Variants in TMEM225B observed in about 807,000 individuals in gnomAD.
The protein encoded by TMEM225B is transmembrane protein 225-like.
Under a neutral mutation model 16.9 loss-of-function variants are expected in TMEM225B, and 10 were observed. The observed-to-expected ratio is 0.59, with a 90% CI of 0.36 to 1.00. TMEM225B has a LOEUF of 1.00. TMEM225B is among the 50% of genes least tolerant of loss of function. TMEM225B has a pLI of 0.01. For synonymous variants in TMEM225B, 92 were observed against 109.8 expected, an observed-to-expected ratio of 0.84 and a Z score of 1.01; for missense variants, 217 against 267.0, an observed-to-expected ratio of 0.81 and a Z score of 1.30.
At chr7:99,608,064 G>C (rs1487819047) in intron 5 of TMEM225B, among the ~76,000 whole-genome samples, 1 of 152,206 alleles carries the variant, frequency 6.6e-6, no homozygotes, top group Non-Finnish European at 1.5e-5. Context: ...AGACCAGCCT[G>C]GCCAACATGG....
intron 3 of TMEM225B, among the ~76,000 whole-genome samples, chr7:99,606,428 C>T (rs1161697587): frequency 1.3e-5 from 2 of 152,106 alleles, no homozygotes; most frequent in Non-Finnish European, 2.9e-5. Context: ...GATTGCACCA[C>T]CACACTCCAG....
chr7:99,607,418 T>G (rs1364759460), intron 4 of TMEM225B, among the ~76,000 whole-genome samples: 3 of 152,140 alleles, frequency 2.0e-5, no homozygotes, highest in Non-Finnish European at 4.4e-5. Context: ...TCTGCTAAGG[T>G]GCAGAGGTGA....
intron 2 of TMEM225B, among the ~76,000 whole-genome samples, chr7:99,603,534 A>T (rs1453048327): frequency 2.0e-5 from 3 of 152,082 alleles, no homozygotes; most frequent in African/African-American, 7.2e-5. Flanking sequence ...TCTACTAAAA[A>T]TACAAAAATT....
intron 5 of TMEM225B, among the ~76,000 whole-genome samples, chr7:99,608,984 T>C (rs945666730): frequency 6.6e-6 from 1 of 151,620 alleles, no homozygotes; most frequent in African/African-American, 2.4e-5. Flanking sequence ...CTGGCCAACA[T>C]GGCGAAAACC....
chr7:99,603,994 A>T (rs934244899), intron 2 of TMEM225B, among the ~76,000 whole-genome samples: 2 of 152,182 alleles, frequency 1.3e-5, no homozygotes, highest in Admixed American at 1.3e-4. Flanking sequence ...GACTCAAGCG[A>T]TCCGCCTGTC....
chr7:99,603,758 A>AT (rs58835664), intron 2 of TMEM225B, among the ~76,000 whole-genome samples: 159 of 143,810 alleles, frequency 1.1e-3, no homozygotes, highest in South Asian at 1.5e-3. Context: ...AAATTATTTA[A>AT]TTTTTTTTTT....
rs1453771717 is a variant in TMEM225B, at chr7:99,604,383, C to T, written c.-3-3C>T. ...CCTCCACGATCACTTTTCTCTTACACAGGTGATGCTGACGTTAGAGGACAA... is the reference window on the plus strand; with the variant it reads ...CCTCCACGATCACTTTTCTCTTACATAGGTGATGCTGACGTTAGAGGACAA... On this transcript the variant is annotated splice_polypyrimidine_tract_variant and splice_region_variant and intron_variant, in intron 2 of 5. Transcript: ENST00000431679. The T allele has an allele frequency of 6.5e-7, 1 of 1,534,140 alleles. No homozygotes were observed. Among genetic ancestry groups the T allele is most frequent in the Non-Finnish European group, 8.7e-7 (1 of 1,145,162 alleles).
At chr7:99,607,864 A>G (rs1584319933) in intron 5 of TMEM225B, 54 bp downstream of exon 5, 2 of 1,515,556 alleles carry the variant, frequency 1.3e-6, no homozygotes, top group African/African-American at 1.4e-5. Flanking sequence ...GGATTTAGGA[A>G]CCTGTCTTGT....
chr7:99,610,407 A>G lies in TMEM225B; in HGVS notation c.508A>G (p.Ile170Val). The change falls in exon 6 of 6, where the codon ATT (isoleucine) becomes GTT (valine). Residue 170 changes from isoleucine (I) to valine (V), a missense_variant. Transcript: ENST00000431679. The stretch of plus-strand genomic sequence containing the variant: ...CTGTTCCCTAGGTACCATCTGCCTC[A>G]TTCAAGAAATGGTTTGCCCTTGCTG... ...LFIVAGTICLIQEMVCPCWHL... is the reference protein window; with the variant it reads ...LFIVAGTICLVQEMVCPCWHL... 6.5e-7 allele frequency: 1 copy of G among 1,535,696 alleles called. No homozygotes were observed. The highest frequency in any genetic ancestry group is 1.2e-5 in the South Asian group (1 of 84,038).
At chr7:99,608,734 T>TATACACAC (rs1170431715) in intron 5 of TMEM225B, among the ~76,000 whole-genome samples, 1 of 113,708 alleles carries the variant, frequency 8.8e-6, no homozygotes, top group Non-Finnish European at 1.8e-5. Context: ...TATATATATA[T>TATACACAC]ACACACACAC....
intron 1 of TMEM225B, 71 bp from the exon 2 acceptor site, chr7:99,600,134 C>T (rs569977792): frequency 7.0e-5 from 49 of 697,488 alleles, no homozygotes; most frequent in Non-Finnish European, 1.3e-4. Flanking sequence ...ATACCTGGCC[C>T]CAAAGTAACC....
chr7:99,598,247 C>T (rs999353289), upstream of TMEM225B: 1 of 152,336 alleles, frequency 6.6e-6, no homozygotes, highest in South Asian at 2.1e-4. Flanking sequence ...GGGCAACCCC[C>T]CGCCGGGGCC....
chr7:99,608,734 T>TATAC (rs1170431715), intron 5 of TMEM225B, among the ~76,000 whole-genome samples: 16 of 113,718 alleles, frequency 1.4e-4, no homozygotes, highest in Non-Finnish European at 2.6e-4. Context: ...TATATATATA[T>TATAC]ACACACACAC....
chr7:99,607,957 A>G, intron 5 of TMEM225B, 147 bp downstream of exon 5: 2 of 902,034 alleles, frequency 2.2e-6, no homozygotes, highest in South Asian at 3.8e-5. Context: ...AACTTTCGTT[A>G]ATTAAAATAG....
intron 2 of TMEM225B, among the ~76,000 whole-genome samples, chr7:99,601,284 G>GA (rs1805339123): frequency 6.6e-6 from 1 of 152,186 alleles, no homozygotes; most frequent in African/African-American, 2.4e-5. Flanking sequence ...ATGGGAGATG[G>GA]AAAGGGGACA....
chr7:99,605,830 C>G (rs1805763325), intron 3 of TMEM225B, among the ~76,000 whole-genome samples: 1 of 152,138 alleles, frequency 6.6e-6, no homozygotes, highest in Admixed American at 6.5e-5. Context: ...TCAGGCAATC[C>G]TCCCACGTCA....
Position 99,607,813 on chromosome 7 carries a change from G to A in TMEM225B, c.493+3G>A. ...CATCTTTCTGTTCATAGTGGCTGGT[G>A]AGTGTCCAGGGAACAGTGCCCTGCT... On this transcript the variant is annotated splice_donor_region_variant and intron_variant, in intron 5 of 5. Coordinates refer to ENST00000431679, the MANE Select transcript of TMEM225B (RefSeq NM_001195541.3). 6.5e-7 allele frequency: 1 copy of A among 1,535,828 alleles called. No homozygotes were observed. Among genetic ancestry groups the A allele is most frequent in the Non-Finnish European group, 8.7e-7 (1 of 1,146,732 alleles).
intron 2 of TMEM225B, 21 bp from the exon 3 acceptor site, chr7:99,604,365 G>T: frequency 6.6e-7 from 1 of 1,523,170 alleles, no homozygotes; most frequent in South Asian, 1.2e-5. Flanking sequence ...CCACCTCCAC[G>T]ATCACTTTTC....
chr7:99,600,191 G>GTC lies in TMEM225B; in HGVS notation c.-84-7_-84-6dup. The GTC allele has an allele frequency of 1.4e-6, 1 of 702,968 alleles. No individual in the cohort carries two copies. Among genetic ancestry groups the GTC allele is most frequent in the Non-Finnish European group, 2.6e-6 (1 of 384,974 alleles). 43.5% of individuals were successfully genotyped at this position (702,968 alleles called of 1,614,324 possible). On this transcript the variant is annotated splice_polypyrimidine_tract_variant and intron_variant, in intron 1 of 5. Transcript: ENST00000431679. ...ACTGCATCACATGATGTGTTTCTGT[G>GTC]TCTCTCTCCCTAGCAGTTCCAAGAG...
Sources: gnomAD v4.1 joint callset for allele counts (sites outside exome capture counted in the v4.1 genomes callset) on GRCh38, gnomAD v4.1.1 for gene constraint, MANE v1.5 for transcripts, NCBI Gene and HGNC (gene_info 2026-07-23, HGNC 2026-07-21) for gene names.